The following CLSTN2 variants were observed in gnomAD, a reference collection of about 807,000 sequenced individuals.
CLSTN2 encodes the protein calsyntenin 2.
A neutral mutation model predicts 101.2 loss-of-function variants in CLSTN2; 48 were observed. The observed-to-expected ratio is 0.47, with a 90% CI of 0.38 to 0.60. CLSTN2 has a LOEUF of 0.60. Among genes scored for constraint, CLSTN2 ranks in the 20% least tolerant of loss-of-function variants. The pLI, the probability that CLSTN2 is intolerant of heterozygous loss-of-function variation, is 0.00. For missense variants in CLSTN2, 1,160 were observed against 1,238.2 expected (o/e 0.94, Z 0.95); for synonymous variants, 481 against 463.6 (o/e 1.04, Z -0.48).
intron 2 of CLSTN2, among the ~76,000 whole-genome samples, chr3:140,324,507 G>A (rs1219101479): frequency 6.6e-6 from 1 of 152,194 alleles, no homozygotes; most frequent in Non-Finnish European, 1.5e-5. Context: ...TCTGCTATCA[G>A]AAAGTAGACC....
At chr3:140,379,103 A>G (rs2087951406) in intron 2 of CLSTN2, among the ~76,000 whole-genome samples, 1 of 152,232 alleles carries the variant, frequency 6.6e-6, no homozygotes, top group African/African-American at 2.4e-5. Context: ...GTCTGGCAAG[A>G]AAGGTGCTAA....
chr3:140,345,253 CTT>C (rs771722704), intron 2 of CLSTN2, among the ~76,000 whole-genome samples: 6 of 142,800 alleles, frequency 4.2e-5, no homozygotes. Flanking sequence ...GCCTTTTTTT[CTT>C]TTTTTTTTTT....
chr3:140,122,010 G>A (rs1003986673), intron 1 of CLSTN2, among the ~76,000 whole-genome samples: 1 of 152,116 alleles, frequency 6.6e-6, no homozygotes, highest in African/African-American at 2.4e-5. Context: ...ATAGCTTTAG[G>A]GGGAGTGAAA....
chr3:140,109,501 G>A (rs1388145579), intron 1 of CLSTN2, among the ~76,000 whole-genome samples: 2 of 152,166 alleles, frequency 1.3e-5, no homozygotes, highest in Non-Finnish European at 2.9e-5. Flanking sequence ...CTCCCTTCCT[G>A]TTGGCTCTGG....
intron 1 of CLSTN2, among the ~76,000 whole-genome samples, chr3:140,075,831 A>G (rs532183864): frequency 3.9e-5 from 6 of 152,014 alleles, no homozygotes; most frequent in African/African-American, 1.4e-4. Context: ...GCGGAGGGAC[A>G]GGAGGGGCCG....
intron 1 of CLSTN2, among the ~76,000 whole-genome samples, chr3:140,108,136 T>C (rs1217500016): frequency 1.3e-5 from 2 of 152,194 alleles, no homozygotes; most frequent in South Asian, 2.1e-4. Context: ...TCTTCTGAAA[T>C]GTTATCTACT....
rs1321926502 is a variant in CLSTN2, at chr3:140,572,686, T to G, written c.*6433T>G. On this transcript the variant is annotated 3_prime_UTR_variant, in exon 17 of 17. Coordinates refer to ENST00000458420, the MANE Select transcript of CLSTN2 (RefSeq NM_022131.3). ...TTCTTGGGCCCCACCCCAGACCTAC[T>G]GAATGAGAAGCTCTGGAGGCAGGCA... 6.6e-6 allele frequency: 1 copy of G among 152,238 alleles called. No individual in the cohort carries two copies. The highest frequency in any genetic ancestry group is 1.5e-5 in the Non-Finnish European group (1 of 68,068). The allele number at this position is 152,238 out of a possible 1,614,324, so 9.4% of individuals were successfully genotyped here.
At chr3:140,435,854 C>T (rs1203072614) in intron 5 of CLSTN2, among the ~76,000 whole-genome samples, 3 of 152,158 alleles carry the variant, frequency 2.0e-5, no homozygotes, top group Non-Finnish European at 4.4e-5. Context: ...GCCTGTTTCC[C>T]ATTTGTAGGT....
intron 2 of CLSTN2, among the ~76,000 whole-genome samples, chr3:140,255,899 A>T (rs192553081): frequency 3.9e-5 from 6 of 152,114 alleles, no homozygotes; most frequent in Admixed American, 6.5e-5. Context: ...ACTTTTTTCA[A>T]CTCTAGCACA....
chr3:140,416,903 A>T (rs553392914), intron 4 of CLSTN2, among the ~76,000 whole-genome samples: 14 of 152,358 alleles, frequency 9.2e-5, no homozygotes, highest in Non-Finnish European at 1.8e-4. Flanking sequence ...GAATAACAGG[A>T]TTCATGCTTC....
intron 4 of CLSTN2, among the ~76,000 whole-genome samples, chr3:140,407,135 A>T (rs537850555): frequency 6.6e-6 from 1 of 152,326 alleles, no homozygotes; most frequent in South Asian, 2.1e-4. Context: ...GGGCAGACAC[A>T]GAGACGGCTC....
chr3:140,149,247 G>A (rs2009825961), intron 1 of CLSTN2, among the ~76,000 whole-genome samples: 2 of 152,094 alleles, frequency 1.3e-5, no homozygotes, highest in South Asian at 4.1e-4. Context: ...TCCTACAGGG[G>A]TGTCAGCATG....
At chr3:139,948,548 G>A (rs949426167) in intron 1 of CLSTN2, among the ~76,000 whole-genome samples, 1 of 152,080 alleles carries the variant, frequency 6.6e-6, no homozygotes, top group Admixed American at 6.5e-5. Context: ...GGCTTGCTAT[G>A]AGCCACCATT....
chr3:140,258,901 C>T (rs1020693278), intron 2 of CLSTN2, among the ~76,000 whole-genome samples: 1 of 152,160 alleles, frequency 6.6e-6, no homozygotes, highest in Non-Finnish European at 1.5e-5. Context: ...ACAATATCTA[C>T]TTTCCCAGTG....
chr3:140,171,672 A>ACG (rs1559797171), intron 1 of CLSTN2, among the ~76,000 whole-genome samples: 5 of 12,874 alleles, frequency 3.9e-4, no homozygotes, highest in East Asian at 0.013. Context: ...TATATATAAT[A>ACG]TGTATTATAT....
chr3:140,018,119 T>C (rs796181486), intron 1 of CLSTN2, among the ~76,000 whole-genome samples: 3 of 152,340 alleles, frequency 2.0e-5, no homozygotes, highest in African/African-American at 7.2e-5. Flanking sequence ...TTTCTCCACA[T>C]TTTAAAAGAA....
chr3:140,123,862 A>G (rs900640598), intron 1 of CLSTN2, among the ~76,000 whole-genome samples: 2 of 151,902 alleles, frequency 1.3e-5, no homozygotes, highest in Admixed American at 1.3e-4. Flanking sequence ...ATATATATAT[A>G]TATGTCTTCT....
intron 1 of CLSTN2, among the ~76,000 whole-genome samples, chr3:140,027,840 G>A (rs1369365214): frequency 2.0e-5 from 3 of 152,216 alleles, no homozygotes; most frequent in African/African-American, 7.2e-5. Flanking sequence ...GGATAGAGCA[G>A]GTAGCAGCTC....
Position 140,466,744 on chromosome 3 carries a change from CCT to C in CLSTN2, c.1344+15_1344+16del. On this transcript the variant is annotated intron_variant, in intron 8 of 16. Coordinates refer to ENST00000458420, the MANE Select transcript of CLSTN2 (RefSeq NM_022131.3). ...GAAGCTGGATCAGGTATGGTGCTCACCTCACACCTGCTGCTACTCATGCCTCT... is the reference window on the plus strand; with the variant it reads ...GAAGCTGGATCAGGTATGGTGCTCACCACACCTGCTGCTACTCATGCCTCT... 1.2e-6 allele frequency: 2 copies of C among 1,613,786 alleles called. No homozygotes were observed. The highest frequency in any genetic ancestry group is 3.3e-5 in the Admixed American group (2 of 60,022).
Sources: gnomAD v4.1 joint callset for allele counts (sites outside exome capture counted in the v4.1 genomes callset) on GRCh38, gnomAD v4.1.1 for gene constraint, MANE v1.5 for transcripts, NCBI Gene and HGNC (gene_info 2026-07-23, HGNC 2026-07-21) for gene names.